MCPH1: variants seen among roughly 807,000 people sequenced by gnomAD.
The protein encoded by MCPH1 is microcephalin 1, also known as microcephalin.
MCPH1 carries 104 observed loss-of-function variants against 84.5 expected under a neutral mutation model. The ratio of observed to expected loss-of-function variants is 1.23; its 90% CI spans 1.05 to 1.45. The LOEUF is 1.45. MCPH1 is among the 40% of genes most tolerant of loss of function. The pLI is 0.00. For missense variants in MCPH1, 1,498 were observed against 1,005.7 expected (o/e 1.49, Z -6.62); for synonymous variants, 514 against 366.8 (o/e 1.40, Z -4.58).
chr8:6,553,865 T>C (rs973041165), intron 12 of MCPH1, among the ~76,000 whole-genome samples: 2 of 152,134 alleles, frequency 1.3e-5, no homozygotes, highest in East Asian at 1.9e-4. Flanking sequence ...TGGATTTACA[T>C]GTAAGACAAC....
chr8:6,562,552 C>CTTTTTTTTTTTCTTTTTTTTTTTTT (rs1825706400), intron 12 of MCPH1: 1 of 71,748 alleles, frequency 1.4e-5, no homozygotes, highest in Non-Finnish European at 2.6e-5. Context: ...CATCCTCCTT[C>CTTTTTTTTTTTCTTTTTTTTTTTTT]TTTTTTTTTT....
intron 13 of MCPH1, chr8:6,634,761 A>G (rs531744352): frequency 1.3e-5 from 2 of 152,338 alleles, no homozygotes; most frequent in South Asian, 4.1e-4. Context: ...CTCATCCTCC[A>G]GCTGAAATTC....
chr8:6,612,168 G>A (rs975142578), intron 12 of MCPH1, among the ~76,000 whole-genome samples: 10 of 152,122 alleles, frequency 6.6e-5, no homozygotes, highest in African/African-American at 2.2e-4. Context: ...AATTCCAAGG[G>A]TTTAGGGGCT....
intron 1 of MCPH1, 137 bp downstream of exon 1, chr8:6,406,826 G>T: frequency 1.3e-6 from 1 of 770,788 alleles, no homozygotes. Context: ...CAGACCCCCT[G>T]CCGCCTCCTT....
chr8:6,438,915 C>T, intron 5 of MCPH1, 38 bp from the exon 6 acceptor site: 4 of 1,601,362 alleles, frequency 2.5e-6, no homozygotes, highest in African/African-American at 1.3e-5. Context: ...TATGAAGGCA[C>T]TTTTTGGTCT....
At chr8:6,500,208 A>T (rs527238617) in intron 12 of MCPH1, 78 of 424,900 alleles carry the variant, frequency 1.8e-4, no homozygotes, top group Non-Finnish European at 2.7e-4. Context: ...AAAAAGACTG[A>T]ATTCTTGGGC....
At chr8:6,595,092 T>C (rs1406146096) in intron 12 of MCPH1, among the ~76,000 whole-genome samples, 1 of 152,212 alleles carries the variant, frequency 6.6e-6, no homozygotes, top group African/African-American at 2.4e-5. Context: ...CACAAATCAC[T>C]TTGTCTTTGG....
At chr8:6,510,642 G>A (rs1402110787) in intron 12 of MCPH1, among the ~76,000 whole-genome samples, 1 of 152,156 alleles carries the variant, frequency 6.6e-6, no homozygotes, top group East Asian at 1.9e-4. Flanking sequence ...ACTTGTCCGA[G>A]GTCAGACTCT....
intron 12 of MCPH1, among the ~76,000 whole-genome samples, chr8:6,620,455 C>T (rs1563200535): frequency 6.6e-6 from 1 of 152,114 alleles, no homozygotes; most frequent in South Asian, 2.1e-4. Context: ...AACCTGCACC[C>T]TACCCCTGCC....
rs183970283 is a variant in MCPH1, at chr8:6,618,240, A to G, written c.2215-3214A>G. On this transcript the variant is annotated intron_variant, in intron 12 of 13. Transcript: ENST00000344683. ...CTTGGCGAGAGCCAGTGGTGATACA[A>G]TGAGAACACCGCCTGCTGCATCTAA... is the stretch of plus-strand genomic sequence containing the variant. 3.3e-3 allele frequency among the ~76,000 whole-genome samples: 497 copies of G among 152,376 alleles called. 2 individuals carry two copies. Among genetic ancestry groups the G allele is most frequent in the Non-Finnish European group, 6.2e-3 (424 of 68,036 alleles).
intron 1 of MCPH1, 59 bp from the exon 2 acceptor site, chr8:6,409,220 A>T: frequency 7.3e-7 from 1 of 1,379,254 alleles, no homozygotes; most frequent in Non-Finnish European, 1.0e-6. Flanking sequence ...AACAAAATCT[A>T]TTGGGCAGGG....
chr8:6,409,197 TAAATGTAAATAGAACA>T (rs1798190657), intron 1 of MCPH1, 66 bp from the exon 2 acceptor site: 1 of 1,233,204 alleles, frequency 8.1e-7, no homozygotes, highest in African/African-American at 1.5e-5. Flanking sequence ...GGTTTACTCT[TAAATGTAAATAGAACA>T]AAATCTATTG....
chr8:6,511,860 CTTT>C (rs1006701271), intron 12 of MCPH1, among the ~76,000 whole-genome samples: 1 of 149,508 alleles, frequency 6.7e-6, no homozygotes, highest in African/African-American at 2.5e-5. Context: ...TTGTAAAAAT[CTTT>C]TTATACAAAC....
At chr8:6,463,782 C>T (rs536539762) in intron 9 of MCPH1, among the ~76,000 whole-genome samples, 21 of 152,308 alleles carry the variant, frequency 1.4e-4, no homozygotes, top group African/African-American at 5.1e-4. Context: ...GTAAAAGGTT[C>T]TGGAATGAGT....
rs1047031161 is a variant in MCPH1 at position 6,477,452 on chromosome 8, G to T, written c.1936-142G>T. On this transcript the variant is annotated intron_variant, in intron 9 of 13. Coordinates refer to ENST00000344683, the MANE Select transcript of MCPH1 (RefSeq NM_024596.5). ...GCCTGTTTTTTCCAGGAATATAAAG[G>T]TTTTTTTTCTTTGACATATGCTTAA... 8 of 708,148 alleles carry T rather than the reference G, an allele frequency of 1.1e-5. 1 individual carries two copies. The highest frequency in any genetic ancestry group is 1.1e-4 in the South Asian group (6 of 55,568). 43.9% of individuals were successfully genotyped at this position (708,148 alleles called of 1,614,324 possible). A position where few individuals can be genotyped will look rare whatever the true frequency, so the allele number is the denominator to read the frequency against.
intron 12 of MCPH1, among the ~76,000 whole-genome samples, chr8:6,607,629 G>T (rs898951349): frequency 6.6e-6 from 1 of 152,152 alleles, no homozygotes; most frequent in Non-Finnish European, 1.5e-5. Flanking sequence ...GGAACCAGTG[G>T]GAGATAATCG....
At chr8:6,526,599 G>A (rs1007088831) in intron 12 of MCPH1, among the ~76,000 whole-genome samples, 1 of 152,070 alleles carries the variant, frequency 6.6e-6, no homozygotes. Flanking sequence ...AATCAATAAT[G>A]ACTTAAACTT....
intron 12 of MCPH1, among the ~76,000 whole-genome samples, chr8:6,513,493 T>C (rs974655001): frequency 6.6e-5 from 10 of 151,976 alleles, no homozygotes; most frequent in African/African-American, 1.2e-4. Context: ...CCACCACACC[T>C]GGCTAATTTT....
intron 12 of MCPH1, among the ~76,000 whole-genome samples, chr8:6,542,216 C>A (rs997682878): frequency 1.3e-5 from 2 of 152,012 alleles, no homozygotes; most frequent in Non-Finnish European, 2.9e-5. Flanking sequence ...CAGTGTTTTT[C>A]TATGCCAAAT....
Sources: allele counts gnomAD v4.1 joint callset (sites outside exome capture counted in the v4.1 genomes callset), GRCh38; gene constraint gnomAD v4.1.1; transcripts MANE v1.5; gene names NCBI Gene and HGNC (gene_info 2026-07-23, HGNC 2026-07-21).